Variants in P2RY14 observed in about 807,000 individuals in gnomAD.
The protein encoded by P2RY14 is purinergic receptor P2Y14.
A neutral mutation model predicts 0.9 loss-of-function variants in P2RY14; 2 were observed. The observed-to-expected ratio is 2.16, with a 90% CI of 0.88 to 6.79. The LOEUF (loss-of-function observed/expected upper bound fraction) is 6.79, where lower values mean the gene tolerates loss of function less well. P2RY14 is among the 30% of genes most tolerant of loss of function. The pLI, the probability that P2RY14 is intolerant of heterozygous loss-of-function variation, is 0.05. For synonymous variants in P2RY14, 158 were observed against 147.2 expected (o/e 1.07, Z -0.53); for missense variants, 378 against 400.1 (o/e 0.94, Z 0.47).
chr3:151,225,315 G>A (rs539319456), intron 1 of P2RY14, among the ~76,000 whole-genome samples: 3 of 152,134 alleles, frequency 2.0e-5, no homozygotes, highest in Non-Finnish European at 4.4e-5. Context: ...ACAATACTAC[G>A]TATTGAGTCA....
rs763332985 is a variant in P2RY14, at chr3:151,213,991, A to T, written c.326T>A (p.Ile109Asn). ...VLFYVNMYVS[I>N]VFFGLISFDR... Reference sequence around the variant, plus strand: ...AAAGCTGATGAGCCCAAAGAACACAATGCTGACGTACATGTTGACGTAGAA... The same window carrying T: ...AAAGCTGATGAGCCCAAAGAACACATTGCTGACGTACATGTTGACGTAGAA... The change falls in exon 3 of 3, where the codon ATT (isoleucine) becomes AAT (asparagine). Residue 109 changes from isoleucine to asparagine, a missense_variant. Physicochemically the swap from Ile to Asn is moderately radical, Grantham distance 149. Coordinates refer to ENST00000309170, the MANE Select transcript of P2RY14 (RefSeq NM_014879.4). 6.2e-7 allele frequency: 1 copy of T among 1,614,064 alleles called. No homozygotes were observed. The highest frequency in any genetic ancestry group is 1.7e-5 in the Admixed American group (1 of 60,020).
intron 2 of P2RY14, among the ~76,000 whole-genome samples, chr3:151,215,587 C>T (rs1401382698): frequency 6.6e-6 from 1 of 152,112 alleles, no homozygotes; most frequent in Non-Finnish European, 1.5e-5. Context: ...GTTTAGGAAT[C>T]CTGTATATTC....
At chr3:151,260,091 G>A (rs759748071) in intron 1 of P2RY14, among the ~76,000 whole-genome samples, 3 of 152,174 alleles carry the variant, frequency 2.0e-5, no homozygotes, top group Non-Finnish European at 4.4e-5. Flanking sequence ...TGATGGGTGG[G>A]ACTGGGGACA....
At chr3:151,260,453 A>G (rs1235346540) in intron 1 of P2RY14, among the ~76,000 whole-genome samples, 1 of 152,056 alleles carries the variant, frequency 6.6e-6, no homozygotes, top group African/African-American at 2.4e-5. Context: ...GGGTTTAAGC[A>G]GTCCTCCCAT....
At chr3:151,258,971 C>T (rs1738357281) in intron 1 of P2RY14, among the ~76,000 whole-genome samples, 1 of 152,108 alleles carries the variant, frequency 6.6e-6, no homozygotes, top group Admixed American at 6.5e-5. Flanking sequence ...CCTTTGCCAC[C>T]TGTGAAATGG....
intron 1 of P2RY14, among the ~76,000 whole-genome samples, chr3:151,247,093 A>C (rs983244523): frequency 1.1e-4 from 17 of 152,278 alleles, no homozygotes; most frequent in East Asian, 1.9e-4. Flanking sequence ...GATTGGCAAT[A>C]ATTAAAAAGT....
chr3:151,236,717 CTCT>C (rs1430502570), intron 1 of P2RY14, among the ~76,000 whole-genome samples: 1 of 152,096 alleles, frequency 6.6e-6, no homozygotes, highest in South Asian at 2.1e-4. Context: ...TGTATGTAAT[CTCT>C]TCATGATTTT....
chr3:151,230,984 T>G (rs1013499680), intron 1 of P2RY14, among the ~76,000 whole-genome samples: 17 of 152,104 alleles, frequency 1.1e-4, no homozygotes, highest in Admixed American at 6.5e-4. Context: ...AGCAAGGAAG[T>G]GCTCAGACCG....
rs1348287690 is a variant in P2RY14 at position 151,213,724 on chromosome 3, A to G, written c.593T>C (p.Val198Ala). Residue 198 changes from valine to alanine, a missense_variant, in exon 3 of 3, where the codon GTG (valine) becomes GCG (alanine). Coordinates refer to ENST00000309170, the MANE Select transcript of P2RY14 (RefSeq NM_014879.4). ...NYIFVAIFWI[V>A]FLLLIVFYTA... ...ATAGAAAACGATTAACAAAAGAAAC[A>G]CAATCCAGAAGATGGCCACGAAGAT... The G allele has an allele frequency of 4.3e-6, 7 of 1,614,088 alleles. No individual in the cohort carries two copies. The highest frequency in any genetic ancestry group is 4.2e-6 in the Non-Finnish European group (5 of 1,180,030).
Position 151,213,412 on chromosome 3 carries a change from A to C in P2RY14, c.905T>G (p.Phe302Cys). 1 of 1,614,144 alleles carries C rather than the reference A, an allele frequency of 6.2e-7. No individual in the cohort carries two copies. Among genetic ancestry groups the C allele is most frequent in the African/African-American group, 1.3e-5 (1 of 75,058 alleles). Residue 302 changes from phenylalanine to cysteine, a missense_variant, in exon 3 of 3, where the codon TTT becomes TGT. Transcript: ENST00000309170. ...CAATTTCTTACATAAGATTTCCCTA[A>C]ACGGCTGGCATAGAAAGAAATAAAT... Reference protein sequence around the residue: ...PIIYFFLCQPFREILCKKLHI... With the variant: ...PIIYFFLCQPCREILCKKLHI...
Position 151,234,548 on chromosome 3 carries a change from A to G in P2RY14, c.-132-14906T>C, listed in dbSNP as rs140778124. On this transcript the variant is annotated intron_variant, in intron 1 of 2. Coordinates refer to ENST00000309170, the MANE Select transcript of P2RY14 (RefSeq NM_014879.4). ...TCAGTTAACCCAGCAAATGGTTCAT[A>G]GTAGGTGCTGTATAAACTTTCTGAT... 1.8e-3 allele frequency among the ~76,000 whole-genome samples: 272 copies of G among 152,334 alleles called. 1 individual carries two copies. The highest frequency in any genetic ancestry group is 6.2e-3 in the African/African-American group (258 of 41,574).
chr3:151,221,160 G>A (rs1267521474), intron 1 of P2RY14, among the ~76,000 whole-genome samples: 1 of 152,210 alleles, frequency 6.6e-6, no homozygotes, highest in African/African-American at 2.4e-5. Context: ...ACTTGAGGGA[G>A]ATGATTTAGG....
intron 1 of P2RY14, among the ~76,000 whole-genome samples, chr3:151,248,016 G>T (rs1736068904): frequency 8.7e-6 from 1 of 115,098 alleles, no homozygotes; most frequent in African/African-American, 3.3e-5. Context: ...TAGATTCTAA[G>T]CATGTATATT....
chr3:151,213,506 CT>C lies in P2RY14; in HGVS notation c.810del (p.Glu271LysfsTer6). 1 of 1,614,144 alleles carries C rather than the reference CT, an allele frequency of 6.2e-7. No homozygotes were observed. Among genetic ancestry groups the C allele is most frequent in the Non-Finnish European group, 8.5e-7 (1 of 1,180,000 alleles). On this transcript the variant is annotated frameshift_variant, in exon 3 of 3. Coordinates refer to ENST00000309170, the MANE Select transcript of P2RY14 (RefSeq NM_014879.4). LOFTEE classifies it high-confidence loss of function. ...AATTCTTTCATATACCGCAAGATTTCTTTTGACTGGCAGCTGTAATGAGCTT... is the reference window on the plus strand; with the variant it reads ...AATTCTTTCATATACCGCAAGATTTCTTTGACTGGCAGCTGTAATGAGCTT... Reference protein sequence around the residue: ...QTEAHYSCQSKEILRYMKEFT... With the variant: ...QTEAHYSCQSXEILRYMKEFT...
At chr3:151,229,817 A>G (rs1044272761) in intron 1 of P2RY14, among the ~76,000 whole-genome samples, 1 of 152,102 alleles carries the variant, frequency 6.6e-6, no homozygotes, top group Non-Finnish European at 1.5e-5. Flanking sequence ...GCATGCAACA[A>G]TGGAGCAACT....
At chr3:151,220,357 GA>G (rs1230267075) in intron 1 of P2RY14, among the ~76,000 whole-genome samples, 1 of 152,018 alleles carries the variant, frequency 6.6e-6, no homozygotes, top group African/African-American at 2.4e-5. Flanking sequence ...TCATATTTCT[GA>G]ATTCTTTAAA....
intron 1 of P2RY14, among the ~76,000 whole-genome samples, chr3:151,275,801 T>A (rs1216259513): frequency 6.6e-6 from 1 of 152,170 alleles, no homozygotes; most frequent in East Asian, 1.9e-4. Flanking sequence ...ATAGTTTGGT[T>A]GTAGGTATTT....
chr3:151,260,102 C>T (rs139677153), intron 1 of P2RY14, among the ~76,000 whole-genome samples: 1 of 152,044 alleles, frequency 6.6e-6, no homozygotes, highest in Non-Finnish European at 1.5e-5. Flanking sequence ...ACTGGGGACA[C>T]CATTGGTGGG....
intron 1 of P2RY14, among the ~76,000 whole-genome samples, chr3:151,264,024 G>A (rs1379028928): frequency 2.6e-5 from 4 of 152,190 alleles, no homozygotes; most frequent in Admixed American, 1.3e-4. Context: ...ATATCATGGT[G>A]ACTTTTCCAT....
Sources: allele counts gnomAD v4.1 joint callset (sites outside exome capture counted in the v4.1 genomes callset), GRCh38; gene constraint gnomAD v4.1.1; transcripts MANE v1.5; gene names NCBI Gene and HGNC (gene_info 2026-07-23, HGNC 2026-07-21).